CAMTA1: variants seen among roughly 807,000 people sequenced by gnomAD.
CAMTA1 encodes the protein calmodulin binding transcription activator 1.
In CAMTA1, 27 loss-of-function variants were observed where a neutral mutation model predicts 170.9. The observed-to-expected ratio is 0.16, with a 90% CI of 0.12 to 0.22. The LOEUF (loss-of-function observed/expected upper bound fraction) is 0.22. CAMTA1 is among the 10% of genes least tolerant of loss of function. The pLI, the probability that CAMTA1 is intolerant of heterozygous loss-of-function variation, is 1.00. For missense variants in CAMTA1, 1,619 were observed against 2,217.2 expected (o/e 0.73, Z 5.42); for synonymous variants, 833 against 891.5 (o/e 0.93, Z 1.17).
intron 3 of CAMTA1, among the ~76,000 whole-genome samples, chr1:6,850,710 CT>C (rs1183073079): frequency 6.6e-6 from 1 of 152,212 alleles, no homozygotes; most frequent in East Asian, 1.9e-4. Context: ...GCAGTCATTT[CT>C]TTCCCAGAGG....
chr1:7,220,405 TCTGCTGGGTTGAGTCTCGC>T (rs1004419442), intron 4 of CAMTA1, among the ~76,000 whole-genome samples: 7 of 152,210 alleles, frequency 4.6e-5, no homozygotes, highest in African/African-American at 1.7e-4. Context: ...AAACCCGCCT[TCTGCTGGGTTGAGTCTCGC>T]CTGCTGTGGG....
chr1:7,176,270 C>G (rs991308843), intron 4 of CAMTA1, among the ~76,000 whole-genome samples: 20 of 152,184 alleles, frequency 1.3e-4, no homozygotes, highest in African/African-American at 3.9e-4. Flanking sequence ...TCTGTCCGAG[C>G]AGGAGGAGCA....
Position 7,482,920 on chromosome 1 carries a change from A to ATGTG in CAMTA1, c.510+15020_510+15023dup, listed in dbSNP as rs529764156. Among the ~76,000 whole-genome samples the ATGTG allele has an allele frequency of 4.7e-3, 715 of 152,204 alleles. 4 individuals are homozygous for ATGTG. The highest frequency in any genetic ancestry group is 7.3e-3 in the Non-Finnish European group (499 of 67,992). Reference sequence around the variant, plus strand: ...TCAACACCTCCTCTCAGTCAGAGTGATGTGAGCTGTAAATGTGCCCAGGCC... The same window carrying ATGTG: ...TCAACACCTCCTCTCAGTCAGAGTGATGTGTGTGAGCTGTAAATGTGCCCAGGCC... On this transcript the variant is annotated intron_variant, in intron 6 of 22. Transcript: ENST00000303635. This position sits in a 1 kb window ranked among gnomAD's most constrained non-coding sequence, Gnocchi z 4.2.
rs1178635251 is a variant in CAMTA1, at chr1:7,511,293, A to G, written c.510+43392A>G. The stretch of plus-strand genomic sequence containing the variant: ...TCACATCCTGGAGGGACACCCTAGT[A>G]GCTCCGTGACCTTGAGTGTCCACTT... On this transcript the variant is annotated intron_variant, in intron 6 of 22. Coordinates refer to ENST00000303635, the MANE Select transcript of CAMTA1 (RefSeq NM_015215.4). 4.1e-5 allele frequency among the ~76,000 whole-genome samples: 6 copies of G among 145,758 alleles called. No homozygotes were observed. The East Asian group carries it at 1.3e-3, about 32-fold the overall frequency.
chr1:7,488,985 A>G (rs915231079), intron 6 of CAMTA1, among the ~76,000 whole-genome samples: 5 of 152,128 alleles, frequency 3.3e-5, no homozygotes, highest in African/African-American at 1.2e-4. Context: ...ACACACACAC[A>G]CGCTGCCACC....
intron 3 of CAMTA1, among the ~76,000 whole-genome samples, chr1:7,015,269 T>C (rs1700366348): frequency 6.6e-6 from 1 of 152,138 alleles, no homozygotes; most frequent in South Asian, 2.1e-4. Context: ...TTTCCTACGT[T>C]GTCCCCTGCT....
chr1:7,477,223 A>G (rs954756139), intron 6 of CAMTA1, among the ~76,000 whole-genome samples: 10 of 152,154 alleles, frequency 6.6e-5, no homozygotes, highest in African/African-American at 2.4e-4. Flanking sequence ...CGAAAGCTTC[A>G]TCTGGACTAG....
chr1:7,254,781 C>T (rs60021849), intron 5 of CAMTA1, among the ~76,000 whole-genome samples: 5,454 of 152,270 alleles, frequency 0.036, 256 homozygotes, highest in African/African-American at 0.11. Flanking sequence ...ATTTCAGCTC[C>T]GCTTGCAGCC....
intron 6 of CAMTA1, among the ~76,000 whole-genome samples, chr1:7,578,906 A>G (rs2095229923): frequency 6.6e-6 from 1 of 152,184 alleles, no homozygotes; most frequent in Admixed American, 6.5e-5. Flanking sequence ...AATTTCTAAC[A>G]CATGAGCTTT....
Position 7,594,200 on chromosome 1 carries a change from G to GGGAAGGAAGGAAGGAA in CAMTA1, c.511-46174_511-46159dup, listed in dbSNP as rs56904420. On this transcript the variant is annotated intron_variant, in intron 6 of 22. Transcript: ENST00000303635. The stretch of plus-strand genomic sequence containing the variant: ...AAAGAAAAGACAAGAAAGGAGGGAG[G>GGGAAGGAAGGAAGGAA]GGAAGGAAGGAAGGAAGGAAGGAAG... 5.8e-4 allele frequency among the ~76,000 whole-genome samples: 66 copies of GGGAAGGAAGGAAGGAA among 113,710 alleles called. 1 individual carries two copies. Among genetic ancestry groups the GGGAAGGAAGGAAGGAA allele is most frequent in the East Asian group, 2.2e-3 (9 of 4,048 alleles). 74.6% of individuals were successfully genotyped at this position (113,710 alleles called of 152,430 possible). A position where few individuals can be genotyped will look rare whatever the true frequency, so the allele number is the denominator to read the frequency against.
chr1:7,271,664 G>A (rs1297063709), intron 5 of CAMTA1, among the ~76,000 whole-genome samples: 1 of 151,884 alleles, frequency 6.6e-6, no homozygotes, highest in Non-Finnish European at 1.5e-5. Context: ...TCAGTAGATA[G>A]ATAATATGAG....
chr1:7,612,485 C>G (rs2095530566), intron 6 of CAMTA1, among the ~76,000 whole-genome samples: 1 of 152,188 alleles, frequency 6.6e-6, no homozygotes, highest in Non-Finnish European at 1.5e-5. Context: ...GATAGGAGGG[C>G]ACGGTGGGCT....
intron 6 of CAMTA1, among the ~76,000 whole-genome samples, chr1:7,511,169 G>C (rs766853126): frequency 6.9e-6 from 1 of 145,118 alleles, no homozygotes. Context: ...CAATTAGCAG[G>C]GCACCTTGCA....
chr1:6,893,067 G>A (rs901193844), intron 3 of CAMTA1, among the ~76,000 whole-genome samples: 3 of 152,040 alleles, frequency 2.0e-5, no homozygotes, highest in African/African-American at 7.2e-5. Context: ...GGATCACGAG[G>A]TCAGGAGTTC....
chr1:7,117,671 G>A (rs1216043418), intron 4 of CAMTA1, among the ~76,000 whole-genome samples: 1 of 152,202 alleles, frequency 6.6e-6, no homozygotes, highest in African/African-American at 2.4e-5. Context: ...GTTGAGCAGA[G>A]GACGGCCTCT....
intron 5 of CAMTA1, among the ~76,000 whole-genome samples, chr1:7,392,021 A>G (rs1237378702): frequency 6.6e-6 from 1 of 152,216 alleles, no homozygotes; most frequent in African/African-American, 2.4e-5. Context: ...GGGAAAATAT[A>G]TAGAGGTAAG....
chr1:7,640,148 A>AG (rs1206367809), intron 6 of CAMTA1, among the ~76,000 whole-genome samples: 1 of 152,112 alleles, frequency 6.6e-6, no homozygotes, highest in Non-Finnish European at 1.5e-5. Context: ...AGACTTCTCC[A>AG]GGGGTCACAG....
chr1:7,177,890 A>G (rs1651269263), intron 4 of CAMTA1, among the ~76,000 whole-genome samples: 1 of 148,298 alleles, frequency 6.7e-6, no homozygotes. Context: ...CTCCCCATAC[A>G]CTGAGCCCCC....
chr1:7,284,171 C>CTTATTA (rs1321954595), intron 5 of CAMTA1, among the ~76,000 whole-genome samples: 3 of 115,848 alleles, frequency 2.6e-5, no homozygotes, highest in South Asian at 2.9e-4. Flanking sequence ...TCTTCTTCTT[C>CTTATTA]TTCTTCTTAT....
Sources: allele counts gnomAD v4.1 joint callset (sites outside exome capture counted in the v4.1 genomes callset), GRCh38; gene constraint gnomAD v4.1.1; non-coding constraint Gnocchi (gnomAD v3.1); transcripts MANE v1.5; gene names NCBI Gene and HGNC (gene_info 2026-07-23, HGNC 2026-07-21).